GRM5: variants seen among roughly 807,000 people sequenced by gnomAD.
The protein encoded by GRM5 is glutamate metabotropic receptor 5.
A neutral mutation model predicts 83.1 loss-of-function variants in GRM5; 19 were observed. That is an observed-to-expected ratio of 0.23 (90% CI 0.16 to 0.34). The LOEUF (loss-of-function observed/expected upper bound fraction) is 0.34, where lower values mean the gene tolerates loss of function less well. Ranked by LOEUF, GRM5 falls within the 10% of genes least tolerant of loss-of-function variation. The pLI is 1.00. For synonymous variants in GRM5, 675 were observed against 633.6 expected, an observed-to-expected ratio of 1.07 and a Z score of -0.98; for missense variants, 1,160 against 1,588.3, an observed-to-expected ratio of 0.73 and a Z score of 4.58.
At chr11:88,736,536 A>ATGTC (rs1487218829) in intron 3 of GRM5, among the ~76,000 whole-genome samples, 1 of 152,026 alleles carries the variant, frequency 6.6e-6, no homozygotes, top group African/African-American at 2.4e-5. Flanking sequence ...CAACCAACAA[A>ATGTC]TGTCTCTTAT....
At chr11:89,020,625 A>G (rs1029518232) in intron 2 of GRM5, among the ~76,000 whole-genome samples, 2 of 152,218 alleles carry the variant, frequency 1.3e-5, no homozygotes, top group Non-Finnish European at 2.9e-5. Context: ...TCTGGTCTAC[A>G]TGTCCTAGAC....
At chr11:88,785,263 G>A (rs1419692935) in intron 3 of GRM5, among the ~76,000 whole-genome samples, 1 of 151,974 alleles carries the variant, frequency 6.6e-6, no homozygotes, top group African/African-American at 2.4e-5. Context: ...ATAGTTTTGA[G>A]AACTAATTAC....
chr11:88,840,348 C>T (rs759179859), intron 3 of GRM5, among the ~76,000 whole-genome samples: 65 of 152,022 alleles, frequency 4.3e-4, no homozygotes, highest in Non-Finnish European at 6.8e-4. Context: ...ACATCATCTT[C>T]CTCCTCATCT....
intron 3 of GRM5, among the ~76,000 whole-genome samples, chr11:88,752,523 C>T (rs1039026161): frequency 2.0e-5 from 3 of 152,204 alleles, no homozygotes; most frequent in Non-Finnish European, 4.4e-5. Context: ...AATGGCCATA[C>T]TGCCCAAAGT....
chr11:88,932,574 A>G (rs1332313678), intron 2 of GRM5, among the ~76,000 whole-genome samples: 1 of 151,942 alleles, frequency 6.6e-6, no homozygotes, highest in Non-Finnish European at 1.5e-5. Context: ...ATAAATATAT[A>G]AAAAATAAGC....
At chr11:88,746,678 A>T (rs546305238) in intron 3 of GRM5, among the ~76,000 whole-genome samples, 45 of 152,290 alleles carry the variant, frequency 3.0e-4, no homozygotes, top group African/African-American at 9.6e-4. Flanking sequence ...AAAATAAATT[A>T]TCTGAGTTTC....
intron 2 of GRM5, among the ~76,000 whole-genome samples, chr11:88,998,531 G>C (rs541027411): frequency 7.3e-4 from 111 of 152,246 alleles, no homozygotes; most frequent in Middle Eastern, 3.4e-3. Context: ...AACAAGGCAA[G>C]GCTGACCAAT....
intron 2 of GRM5, among the ~76,000 whole-genome samples, chr11:88,877,244 A>G (rs1248346942): frequency 1.3e-5 from 2 of 152,162 alleles, no homozygotes; most frequent in African/African-American, 4.8e-5. Flanking sequence ...GGTGAATAAT[A>G]TGCTAATTAC....
chr11:88,896,084 T>G (rs926815777), intron 2 of GRM5, among the ~76,000 whole-genome samples: 1 of 151,946 alleles, frequency 6.6e-6, no homozygotes, highest in African/African-American at 2.4e-5. Flanking sequence ...TAATATGTAT[T>G]GAAAGTTTTG....
chr11:88,987,252 G>A (rs1347832816), intron 2 of GRM5, among the ~76,000 whole-genome samples: 6 of 152,152 alleles, frequency 3.9e-5, no homozygotes, highest in Admixed American at 3.3e-4. Context: ...GGTGACCCAC[G>A]GCACCTGGAA....
At chr11:88,579,088 G>T (rs1943173576) in intron 7 of GRM5, among the ~76,000 whole-genome samples, 1 of 152,104 alleles carries the variant, frequency 6.6e-6, no homozygotes, top group South Asian at 2.1e-4. Context: ...TGGAAATCAT[G>T]ATTCCAACCT....
chr11:88,862,166 G>GT (rs1223059056), intron 2 of GRM5, among the ~76,000 whole-genome samples: 1 of 152,174 alleles, frequency 6.6e-6, no homozygotes, highest in Non-Finnish European at 1.5e-5. Context: ...CCTCGACAGA[G>GT]TGAGGAGACA....
chr11:89,050,070 G>A (rs1022901801), intron 1 of GRM5, among the ~76,000 whole-genome samples: 5 of 152,138 alleles, frequency 3.3e-5, no homozygotes, highest in African/African-American at 9.7e-5. Flanking sequence ...TGTCAGGCTC[G>A]TGTGGCTGAA....
chr11:88,837,692 C>T (rs1030353335), intron 3 of GRM5, among the ~76,000 whole-genome samples: 3 of 152,144 alleles, frequency 2.0e-5, no homozygotes, highest in Admixed American at 6.5e-5. Context: ...TCAAAAGCCC[C>T]TGTTCATTTT....
intron 3 of GRM5, among the ~76,000 whole-genome samples, chr11:88,748,762 C>T (rs1942198115): frequency 6.6e-6 from 1 of 152,110 alleles, no homozygotes; most frequent in African/African-American, 2.4e-5. Flanking sequence ...CTTGCTATTT[C>T]ACAGCCTTCA....
chr11:88,643,043 T>A (rs1443811267), intron 4 of GRM5, among the ~76,000 whole-genome samples: 3 of 151,650 alleles, frequency 2.0e-5, no homozygotes, highest in Non-Finnish European at 4.4e-5. Flanking sequence ...CTGTGTTAGG[T>A]CATTTTTACA....
intron 2 of GRM5, among the ~76,000 whole-genome samples, chr11:89,045,871 CTGCTAATTTTCACCAAT>C (rs1008620380): frequency 2.6e-5 from 4 of 152,144 alleles, no homozygotes; most frequent in Non-Finnish European, 2.9e-5. Flanking sequence ...AAAGCCATCC[CTGCTAATTTTCACCAAT>C]TGTCAGTATT....
At chr11:88,549,426 C>A (rs1197853665) in intron 8 of GRM5, among the ~76,000 whole-genome samples, 3 of 151,050 alleles carry the variant, frequency 2.0e-5, no homozygotes, top group Non-Finnish European at 4.4e-5. Flanking sequence ...GGTGACAGAG[C>A]CACACCTTGT....
At chr11:88,708,782 T>C (rs1941217476) in intron 3 of GRM5, among the ~76,000 whole-genome samples, 1 of 152,124 alleles carries the variant, frequency 6.6e-6, no homozygotes. Context: ...CCTAATTCTA[T>C]ATTGGATCAT....
Sources: gnomAD v4.1 joint callset for allele counts (sites outside exome capture counted in the v4.1 genomes callset) on GRCh38, gnomAD v4.1.1 for gene constraint, MANE v1.5 for transcripts, NCBI Gene and HGNC (gene_info 2026-07-23, HGNC 2026-07-21) for gene names.